The following BIN3 variants were observed in gnomAD, a reference collection of about 807,000 sequenced individuals.
BIN3 encodes the protein bridging integrator 3.
Under a neutral mutation model 38.2 loss-of-function variants are expected in BIN3, and 41 were observed. That is an observed-to-expected ratio of 1.07 (90% CI 0.84 to 1.39). The LOEUF is 1.39. Among genes scored for constraint, BIN3 ranks in the 40% most tolerant of loss-of-function variants. The pLI, the probability that BIN3 is intolerant of heterozygous loss-of-function variation, is 0.00. For synonymous variants in BIN3, 145 were observed against 122.6 expected (o/e 1.18, Z -1.21); for missense variants, 361 against 324.3 (o/e 1.11, Z -0.87).
intron 5 of BIN3, among the ~76,000 whole-genome samples, 168 bp downstream of exon 5, chr8:22,630,274 A>G (rs1001641592): frequency 2.6e-5 from 4 of 152,202 alleles, no homozygotes; most frequent in African/African-American, 7.2e-5. Context: ...AAGGCAGAAC[A>G]GTCTGGAAAG....
In BIN3 at chr8:22,621,425, G is replaced by A. The variant is rs765579313; in HGVS notation, c.759C>T (p.Asp253=). The A allele has an allele frequency of 9.3e-6, 15 of 1,612,810 alleles. No individual in the cohort carries two copies. Among genetic ancestry groups the A allele is most frequent in the South Asian group, 4.4e-5 (4 of 90,920 alleles). The change falls in exon 9 of 9, where the codon GAC becomes GAT. Residue 253 remains aspartate, a synonymous_variant. Transcript: ENST00000276416. ...ELRALSIVAD[D] ...GTCCTCCAAGAGTGACGGGGATTCAGTCATCGGCCACAATGGAGAGGGCCC... is the reference window on the plus strand; with the variant it reads ...GTCCTCCAAGAGTGACGGGGATTCAATCATCGGCCACAATGGAGAGGGCCC...
intron 1 of BIN3, among the ~76,000 whole-genome samples, chr8:22,667,513 G>A (rs1803459599): frequency 6.6e-6 from 1 of 152,228 alleles, no homozygotes; most frequent in Non-Finnish European, 1.5e-5. Context: ...AAAGATTCAA[G>A]ACGCAGCAGC....
At chr8:22,630,083 A>C (rs1802140401) in intron 5 of BIN3, 79 bp from the exon 6 acceptor site, 3 of 1,381,010 alleles carry the variant, frequency 2.2e-6, no homozygotes, top group Non-Finnish European at 1.0e-6. Context: ...CTAACTACCA[A>C]AGGGCTAGGA....
intron 4 of BIN3, chr8:22,634,596 G>T (rs908508592): frequency 1.5e-5 from 7 of 453,356 alleles, no homozygotes; most frequent in Non-Finnish European, 2.7e-5. Flanking sequence ...CCTCGTAACT[G>T]CAGTACCAAG....
chr8:22,648,183 T>C (rs931924645), intron 1 of BIN3, among the ~76,000 whole-genome samples: 3 of 148,092 alleles, frequency 2.0e-5, no homozygotes, highest in African/African-American at 7.4e-5. Flanking sequence ...AGGAAGTACA[T>C]AATTCCTATG....
intron 1 of BIN3, among the ~76,000 whole-genome samples, chr8:22,650,097 A>G (rs1181437265): frequency 6.6e-6 from 1 of 152,132 alleles, no homozygotes; most frequent in African/African-American, 2.4e-5. Context: ...TAACCTCATC[A>G]CTTACTGCTG....
At chr8:22,650,737 A>T (rs1357374384) in intron 1 of BIN3, among the ~76,000 whole-genome samples, 1 of 152,204 alleles carries the variant, frequency 6.6e-6, no homozygotes, top group Non-Finnish European at 1.5e-5. Context: ...TGCTACCTCT[A>T]GATCGTTAGG....
At chr8:22,626,345 T>C (rs1165706515) in intron 6 of BIN3, 1 of 152,304 alleles carries the variant, frequency 6.6e-6, no homozygotes, top group Non-Finnish European at 1.5e-5. Context: ...CTAGACTTGA[T>C]GCTTTGCCCA....
At chr8:22,627,765 A>C (rs1413993364) in intron 6 of BIN3, among the ~76,000 whole-genome samples, 9 of 152,222 alleles carry the variant, frequency 5.9e-5, no homozygotes, top group South Asian at 2.1e-4. Context: ...ACATGTGAGG[A>C]AACAGCCTCC....
intron 2 of BIN3, among the ~76,000 whole-genome samples, chr8:22,640,402 T>G (rs1802510283): frequency 6.7e-6 from 1 of 150,052 alleles, no homozygotes; most frequent in African/African-American, 2.5e-5. Context: ...TTGCCTGGGC[T>G]GGTCTTGAAC....
chr8:22,636,883 C>T (rs775683633), intron 3 of BIN3, 39 bp downstream of exon 3: 1 of 1,602,264 alleles, frequency 6.2e-7, no homozygotes, highest in Admixed American at 1.7e-5. Context: ...CCTTGTCCCT[C>T]CCTGCCTCCC....
chr8:22,627,924 A>G (rs1255328739), intron 6 of BIN3, among the ~76,000 whole-genome samples: 1 of 152,210 alleles, frequency 6.6e-6, no homozygotes, highest in Non-Finnish European at 1.5e-5. Flanking sequence ...TCTGTTTTAC[A>G]TTTATCCTCA....
At chr8:22,659,079 G>A (rs1296692397) in intron 1 of BIN3, among the ~76,000 whole-genome samples, 3 of 152,248 alleles carry the variant, frequency 2.0e-5, no homozygotes, top group African/African-American at 4.8e-5. Flanking sequence ...AGCCAGAGCC[G>A]GGGCAGGGCT....
chr8:22,667,383 T>A (rs1474031265), intron 1 of BIN3, among the ~76,000 whole-genome samples: 1 of 152,226 alleles, frequency 6.6e-6, no homozygotes, highest in East Asian at 1.9e-4. Context: ...TTTATTAGTT[T>A]CTGCTGTGCT....
Position 22,636,982 on chromosome 8 carries a change from T to C in BIN3, c.58-20A>G. ...CTCCACCTGAAACGAGAGAGATAAC[T>C]CAATTATCGGAGAAATGACAACACG... On this transcript the variant is annotated intron_variant, in intron 2 of 8. Transcript: ENST00000276416. The C allele has an allele frequency of 6.2e-7, 1 of 1,610,534 alleles. No individual in the cohort carries two copies. The highest frequency in any genetic ancestry group is 1.3e-5 in the African/African-American group (1 of 74,938).
At chr8:22,630,652 C>G in intron 4 of BIN3, 74 bp from the exon 5 acceptor site, 11 of 1,562,996 alleles carry the variant, frequency 7.0e-6, no homozygotes, top group Non-Finnish European at 9.6e-6. Context: ...GGACCCCGTC[C>G]TCCTATGCCA....
intron 1 of BIN3, among the ~76,000 whole-genome samples, chr8:22,659,151 G>C (rs1316863341): frequency 6.6e-6 from 1 of 152,232 alleles, no homozygotes; most frequent in Admixed American, 6.5e-5. Flanking sequence ...TCTGTGTCGG[G>C]CCAGCTGGCC....
intron 2 of BIN3, 155 bp downstream of exon 2, chr8:22,644,600 C>T: frequency 1.4e-6 from 1 of 693,098 alleles, no homozygotes; most frequent in Non-Finnish European, 2.5e-6. Context: ...CTCTAAGCCT[C>T]AGTCTATGTG....
chr8:22,652,881 CAG>C (rs1802947427), intron 1 of BIN3, among the ~76,000 whole-genome samples: 1 of 152,126 alleles, frequency 6.6e-6, no homozygotes, highest in African/African-American at 2.4e-5. Context: ...TCATGTGATG[CAG>C]AGTTGGTAGC....
Sources: allele counts gnomAD v4.1 joint callset (sites outside exome capture counted in the v4.1 genomes callset), GRCh38; gene constraint gnomAD v4.1.1; transcripts MANE v1.5; gene names NCBI Gene and HGNC (gene_info 2026-07-23, HGNC 2026-07-21).